BTBD3: variants seen among roughly 807,000 people sequenced by gnomAD.
BTBD3 encodes the protein BTB/POZ domain-containing protein 3.
In BTBD3, 14 loss-of-function variants were observed where a neutral mutation model predicts 41.6. The ratio of observed to expected loss-of-function variants is 0.34; its 90% CI spans 0.22 to 0.53. The LOEUF (loss-of-function observed/expected upper bound fraction) is 0.53, where lower values mean the gene tolerates loss of function less well. Among genes scored for constraint, BTBD3 ranks in the 20% least tolerant of loss-of-function variants. The pLI, the probability that BTBD3 is intolerant of heterozygous loss-of-function variation, is 0.95. For missense variants in BTBD3, 426 were observed against 654.7 expected (o/e 0.65, Z 3.81); for synonymous variants, 249 against 233.7 (o/e 1.07, Z -0.60).
intron 1 of BTBD3, among the ~76,000 whole-genome samples, chr20:11,898,556 A>G (rs2056804416): frequency 6.6e-6 from 1 of 152,184 alleles, no homozygotes; most frequent in African/African-American, 2.4e-5. Flanking sequence ...TACCTCTGCT[A>G]GACTATAAAT....
chr20:11,890,878 C>G, exon 1 of BTBD3: 1 of 984,994 alleles, frequency 1.0e-6, no homozygotes, highest in Non-Finnish European at 1.2e-6. Context: ...CCGAGTGCCC[C>G]GGCCGGGGCC....
Position 11,923,006 on chromosome 20 carries a change from G to T in BTBD3, c.909G>T (p.Ala303=), listed in dbSNP as rs35364034. 1 of 1,614,152 alleles carries T rather than the reference G, an allele frequency of 6.2e-7. No homozygotes were observed. Among genetic ancestry groups the T allele is most frequent in the Non-Finnish European group, 8.5e-7 (1 of 1,180,042 alleles). ...AEVECQRQDL[A]LSIENKRKVL... The stretch of plus-strand genomic sequence containing the variant: ...TAGAATGCCAACGACAAGATCTGGC[G>T]TTGAGCATTGAAAATAAACGCAAGG... The change falls in exon 4 of 4, where the codon GCG becomes GCT. Residue 303 remains alanine (A), a synonymous_variant. Coordinates refer to ENST00000378226, the MANE Select transcript of BTBD3 (RefSeq NM_014962.4). The surrounding 1 kb of genome is among the most constrained non-coding windows in gnomAD (Gnocchi z 5.3).
chr20:11,906,720 T>G (rs1376222516), intron 1 of BTBD3, among the ~76,000 whole-genome samples: 3 of 152,228 alleles, frequency 2.0e-5, no homozygotes, highest in African/African-American at 7.2e-5. Context: ...CTTGTGCTTT[T>G]GCTCTGCAGT....
chr20:11,890,999 T>C (rs2056747895), intron 1 of BTBD3: 1 of 979,202 alleles, frequency 1.0e-6, no homozygotes, highest in Non-Finnish European at 1.2e-6. Context: ...CCTCCGCGCG[T>C]GCGCAGCGCG....
intron 1 of BTBD3, among the ~76,000 whole-genome samples, chr20:11,904,517 A>G (rs1159697824): frequency 3.3e-5 from 5 of 152,128 alleles, no homozygotes; most frequent in Non-Finnish European, 7.3e-5. Context: ...TTACGATAAA[A>G]TCCAAACTTC....
chr20:11,898,642 A>G (rs775557031), intron 1 of BTBD3, among the ~76,000 whole-genome samples: 1 of 152,290 alleles, frequency 6.6e-6, no homozygotes, highest in South Asian at 2.1e-4. Flanking sequence ...ATATTTTTTG[A>G]ATGAATGAAT....
At chr20:11,901,797 G>A (rs6033256) in intron 1 of BTBD3, among the ~76,000 whole-genome samples, 3 of 151,958 alleles carry the variant, frequency 2.0e-5, no homozygotes, top group East Asian at 1.9e-4. Flanking sequence ...AATGGTGTTC[G>A]GTTTGGCTTA....
rs1232642925 is a variant in BTBD3 at position 11,923,389 on chromosome 20, A to C, written c.1292A>C (p.Gln431Pro). ...AGTGCCAAGATTGAACTTAAGCGGC[A>C]GGGCGTTGTCCTGGGGCAGAACTTG... ...EYSAKIELKR[Q>P]GVVLGQNLSK... The change falls in exon 4 of 4, where the codon CAG (glutamine) becomes CCG (proline). Residue 431 changes from glutamine to proline, a missense_variant. Coordinates refer to ENST00000378226, the MANE Select transcript of BTBD3 (RefSeq NM_014962.4). This position sits in a 1 kb window ranked among gnomAD's most constrained non-coding sequence, Gnocchi z 5.3. The C allele has an allele frequency of 6.2e-7, 1 of 1,614,106 alleles. No homozygotes were observed.
At chr20:11,919,458 A>G in intron 2 of BTBD3, 3 of 1,396,722 alleles carry the variant, frequency 2.1e-6, no homozygotes, top group Non-Finnish European at 2.8e-6. Flanking sequence ...TTCTCCTAGA[A>G]ATTAGTTATG....
chr20:11,922,379 G>C (rs898795079), intron 3 of BTBD3, among the ~76,000 whole-genome samples: 2 of 152,160 alleles, frequency 1.3e-5, no homozygotes, highest in Non-Finnish European at 2.9e-5. Flanking sequence ...AGATGACACT[G>C]AATGCAGCTT....
rs2056931972 is a variant in BTBD3 at position 11,918,154 on chromosome 20, GAA to G, written c.-119_-118del. 1 of 1,483,544 alleles carries G rather than the reference GAA, an allele frequency of 6.7e-7. No individual in the cohort carries two copies. The highest frequency in any genetic ancestry group is 2.3e-5 in the East Asian group (1 of 43,474). The allele number at this position is 1,483,544 out of a possible 1,614,324, so 91.9% of individuals were successfully genotyped here. ...TGAAAAGGTCACCTTGCCTGGCTGA[GAA>G]AAGCAGCAAAATATCAGCTTTGTTG... On this transcript the variant is annotated 5_prime_UTR_variant, in exon 1 of 4. Transcript: ENST00000378226.
chr20:11,898,780 TA>T (rs1410751645), intron 1 of BTBD3, among the ~76,000 whole-genome samples: 1 of 152,186 alleles, frequency 6.6e-6, no homozygotes, highest in African/African-American at 2.4e-5. Context: ...AGAACATTTA[TA>T]GTTTATAATG....
chr20:11,893,209 T>C (rs1460167979), intron 1 of BTBD3, among the ~76,000 whole-genome samples: 2 of 152,254 alleles, frequency 1.3e-5, no homozygotes, highest in African/African-American at 4.8e-5. Context: ...TTAAAAAATA[T>C]TTTAAACTTT....
At chr20:11,919,321 A>G (rs1355913301) in intron 2 of BTBD3, 145 bp downstream of exon 2, 15 of 1,370,694 alleles carry the variant, frequency 1.1e-5, no homozygotes, top group Non-Finnish European at 1.4e-5. Context: ...CCCTCTCCAG[A>G]GGGCTTTGGC....
Position 11,918,424 on chromosome 20 carries a change from A to G in BTBD3, c.149A>G (p.Tyr50Cys). 1 of 1,614,184 alleles carries G rather than the reference A, an allele frequency of 6.2e-7. No homozygotes were observed. The change falls in exon 1 of 4, where the codon TAT becomes TGT. Residue 50 changes from tyrosine to cysteine, a missense_variant. Coordinates refer to ENST00000378226, the MANE Select transcript of BTBD3 (RefSeq NM_014962.4). ...SNSSKLPPVC[Y>C]EIITLKTKKK... ...AGCAGCAAGTTGCCACCAGTTTGTTATGAAATAATTACCTTGAAGACTAAA... is the reference window on the plus strand; with the variant it reads ...AGCAGCAAGTTGCCACCAGTTTGTTGTGAAATAATTACCTTGAAGACTAAA...
At chr20:11,890,869 C>T (rs1568604941) in exon 1 of BTBD3, 1 of 985,114 alleles carries the variant, frequency 1.0e-6, no homozygotes, top group Non-Finnish European at 1.2e-6. Flanking sequence ...GCTGGATCTC[C>T]GAGTGCCCCG....
rs182866797 is a variant in BTBD3, at chr20:11,918,681, T to C, written c.326+80T>C. On this transcript the variant is annotated intron_variant, in intron 1 of 3. Transcript: ENST00000378226. The stretch of plus-strand genomic sequence containing the variant: ...GCTTTTGCAAAACCTGTAATGTATT[T>C]GAACACAAATCTGTTTCCTCTTTTC... The C allele has an allele frequency of 5.9e-4, 817 of 1,391,934 alleles. 4 individuals are homozygous for C. The highest frequency in any genetic ancestry group is 2.3e-4 in the Non-Finnish European group (240 of 1,027,148). 86.2% of individuals were successfully genotyped at this position (1,391,934 alleles called of 1,614,324 possible).
chr20:11,895,536 A>T (rs2056781628), intron 1 of BTBD3, among the ~76,000 whole-genome samples: 1 of 152,114 alleles, frequency 6.6e-6, no homozygotes, highest in African/African-American at 2.4e-5. Flanking sequence ...CTTCCAGTAA[A>T]GTTTTGCACT....
Position 11,918,199 on chromosome 20 carries a change from A to G in BTBD3, c.-77A>G, listed in dbSNP as rs759725612. On this transcript the variant is annotated 5_prime_UTR_variant, in exon 1 of 4. Coordinates refer to ENST00000378226, the MANE Select transcript of BTBD3 (RefSeq NM_014962.4). Reference sequence around the variant, plus strand: ...CTTTGTTGGTTTCAGTTAACCTCTTAGCCCGGGCTAATCTCTTTTCCTTGA... The same window carrying G: ...CTTTGTTGGTTTCAGTTAACCTCTTGGCCCGGGCTAATCTCTTTTCCTTGA... The G allele has an allele frequency of 1.1e-5, 17 of 1,500,466 alleles. No homozygotes were observed. The highest frequency in any genetic ancestry group is 1.3e-5 in the Non-Finnish European group (15 of 1,135,354). The allele number at this position is 1,500,466 out of a possible 1,614,324, so 92.9% of individuals were successfully genotyped here.
Sources: allele counts gnomAD v4.1 joint callset (sites outside exome capture counted in the v4.1 genomes callset), GRCh38; gene constraint gnomAD v4.1.1; non-coding constraint Gnocchi (gnomAD v3.1); transcripts MANE v1.5; gene names NCBI Gene and HGNC (gene_info 2026-07-23, HGNC 2026-07-21).